The following NACC2 variants were observed in gnomAD, a reference collection of about 807,000 sequenced individuals.
The protein encoded by NACC2 is NACC family member 2.
NACC2 carries 8 observed loss-of-function variants against 25.1 expected under a neutral mutation model. The observed-to-expected ratio is 0.32, with a 90% CI of 0.19 to 0.57. The LOEUF (loss-of-function observed/expected upper bound fraction) is 0.57, where lower values mean the gene tolerates loss of function less well. Ranked by LOEUF, NACC2 falls within the 20% of genes least tolerant of loss-of-function variation. The probability of loss-of-function intolerance (pLI) is 0.89; values close to 1 mark genes in which losing one functional copy is unlikely to be tolerated. For missense variants in NACC2, 644 were observed against 650.2 expected, an observed-to-expected ratio of 0.99 and a Z score of 0.10; for synonymous variants, 435 against 294.7, an observed-to-expected ratio of 1.48 and a Z score of -4.88.
chr9:136,051,922 AGG>A (rs1840850360), intron 1 of NACC2, among the ~76,000 whole-genome samples: 2 of 148,516 alleles, frequency 1.3e-5, no homozygotes, highest in African/African-American at 2.5e-5. Flanking sequence ...ATGGTGGAGG[AGG>A]AGGAGGAGGA....
intron 1 of NACC2, among the ~76,000 whole-genome samples, chr9:136,082,553 C>T (rs1335539580): frequency 2.6e-5 from 4 of 152,192 alleles, no homozygotes. Context: ...TGGGTCTGGC[C>T]CTCGGAGCCC....
chr9:136,092,939 C>T (rs946908182), intron 1 of NACC2, among the ~76,000 whole-genome samples: 3 of 152,218 alleles, frequency 2.0e-5, no homozygotes, highest in African/African-American at 7.2e-5. Flanking sequence ...TGCAGAGAGG[C>T]AGCCTGGGGA....
intron 1 of NACC2, among the ~76,000 whole-genome samples, chr9:136,064,897 G>C (rs2131173634): frequency 6.6e-6 from 1 of 152,308 alleles, no homozygotes; most frequent in African/African-American, 2.4e-5. Context: ...GTCTACAAAT[G>C]TATTCATGTG....
At chr9:136,088,332 G>A (rs1330723205) in intron 1 of NACC2, among the ~76,000 whole-genome samples, 1 of 152,154 alleles carries the variant, frequency 6.6e-6, no homozygotes, top group Non-Finnish European at 1.5e-5. Flanking sequence ...CAGGGTGGGA[G>A]GGACCCTCAG....
At chr9:136,025,797 C>T (rs570999548) in intron 2 of NACC2, among the ~76,000 whole-genome samples, 1 of 152,022 alleles carries the variant, frequency 6.6e-6, no homozygotes, top group East Asian at 1.9e-4. Flanking sequence ...CACTTGTAGT[C>T]CCGGCTACTC....
At chr9:136,080,009 C>A (rs1270679977) in intron 1 of NACC2, among the ~76,000 whole-genome samples, 1 of 152,202 alleles carries the variant, frequency 6.6e-6, no homozygotes, top group Non-Finnish European at 1.5e-5. Flanking sequence ...CTGCCTGGGC[C>A]AGGCCTGGGG....
chr9:136,044,178 G>A (rs1840685356), intron 2 of NACC2, among the ~76,000 whole-genome samples: 1 of 152,130 alleles, frequency 6.6e-6, no homozygotes, highest in African/African-American at 2.4e-5. Context: ...CAATGGCCTA[G>A]ACGGGCCACA....
At chr9:136,031,758 A>G (rs1840476895) in intron 2 of NACC2, among the ~76,000 whole-genome samples, 1 of 152,252 alleles carries the variant, frequency 6.6e-6, no homozygotes, top group African/African-American at 2.4e-5. Flanking sequence ...GAAGTTCTAA[A>G]GAAAATATTA....
intron 1 of NACC2, among the ~76,000 whole-genome samples, chr9:136,077,735 C>T (rs1022072350): frequency 6.6e-6 from 1 of 152,126 alleles, no homozygotes; most frequent in Non-Finnish European, 1.5e-5. Flanking sequence ...TCTGGCCACC[C>T]CCACACCGGG....
intron 2 of NACC2, among the ~76,000 whole-genome samples, chr9:136,037,296 T>G (rs943217842): frequency 2.0e-5 from 3 of 151,982 alleles, no homozygotes; most frequent in Non-Finnish European, 4.4e-5. Flanking sequence ...TGATCTCGGC[T>G]CATTGCAACC....
At chr9:136,062,732 T>A (rs899798163) in intron 1 of NACC2, among the ~76,000 whole-genome samples, 1 of 152,114 alleles carries the variant, frequency 6.6e-6, no homozygotes, top group African/African-American at 2.4e-5. Context: ...CTGGGCAACA[T>A]GGCGAAACCC....
chr9:136,028,921 G>A (rs775911054), intron 2 of NACC2, among the ~76,000 whole-genome samples: 5 of 152,240 alleles, frequency 3.3e-5, no homozygotes, highest in East Asian at 3.9e-4. Context: ...GGCCCCTGCC[G>A]CCTTGGCCCC....
rs532533577 is a variant in NACC2, at chr9:136,091,567, C to T, written c.-60+3622G>A. ...AGTGCCGGTCCCGGAGTTCATGTCC[C>T]CAAATGACAAGCAACCAATACTTCC... On this transcript the variant is annotated intron_variant, in intron 1 of 5. Coordinates refer to ENST00000277554, the MANE Select transcript of NACC2 (RefSeq NM_144653.5). 3.3e-5 allele frequency among the ~76,000 whole-genome samples: 5 copies of T among 152,348 alleles called. 1 individual carries two copies. The highest frequency in any genetic ancestry group is 1.3e-4 in the Admixed American group (2 of 15,312).
At chr9:136,012,109 G>A (rs1294835011) in intron 5 of NACC2, 85 bp from the exon 6 acceptor site, 2 of 1,423,388 alleles carry the variant, frequency 1.4e-6, no homozygotes, top group Non-Finnish European at 9.2e-7. Flanking sequence ...ATGATGCCCT[G>A]GATGAGCCTC....
intron 1 of NACC2, among the ~76,000 whole-genome samples, chr9:136,057,783 G>A (rs1451095223): frequency 6.6e-6 from 1 of 152,154 alleles, no homozygotes; most frequent in African/African-American, 2.4e-5. Context: ...CTCTCTTGAT[G>A]GCCTGGAGCA....
Position 136,050,334 on chromosome 9 carries a change from C to T in NACC2, c.188G>A (p.Ser63Asn). 1.3e-6 allele frequency: 1 copy of T among 741,070 alleles called. No individual in the cohort carries two copies. Among genetic ancestry groups the T allele is most frequent in the South Asian group, 1.4e-5 (1 of 70,870 alleles). 45.9% of individuals were successfully genotyped at this position (741,070 alleles called of 1,614,324 possible). A position where few individuals can be genotyped will look rare whatever the true frequency, so the allele number is the denominator to read the frequency against. Reference protein sequence around the residue: ...LYFRDLFSGNSKSAFELPGSV... With the variant: ...LYFRDLFSGNNKSAFELPGSV... ...GCCGGGCAGCTCGAAGGCGCTCTTG[C>T]TGTTGCCGCTGAACAGGTCGCGGAA... The change falls in exon 2 of 6, where the codon AGC becomes AAC. Residue 63 changes from serine to asparagine, a missense_variant. Coordinates refer to ENST00000277554, the MANE Select transcript of NACC2 (RefSeq NM_144653.5).
rs1840270390 is a variant in NACC2, at chr9:136,020,221, A to G, written c.887-3792T>C. ...GAACGAACGTCAGAAGGAGGGGGCC[A>G]TGCAGGTCTGGAGGGAAACCGGGTC... is the stretch of plus-strand genomic sequence containing the variant. On this transcript the variant is annotated intron_variant, in intron 2 of 5. Coordinates refer to ENST00000277554, the MANE Select transcript of NACC2 (RefSeq NM_144653.5). This position sits in a 1 kb window ranked among gnomAD's most constrained non-coding sequence, Gnocchi z 4.7. 2.0e-5 allele frequency among the ~76,000 whole-genome samples: 3 copies of G among 152,198 alleles called. No individual in the cohort carries two copies. The highest frequency in any genetic ancestry group is 1.5e-5 in the Non-Finnish European group (1 of 68,024).
intron 2 of NACC2, among the ~76,000 whole-genome samples, chr9:136,032,694 C>T (rs755075541): frequency 1.3e-4 from 20 of 152,090 alleles, no homozygotes; most frequent in Admixed American, 2.6e-4. Flanking sequence ...ATCAGGAGTT[C>T]GAGACCAGCC....
chr9:136,085,136 A>ATTTT (rs1485667550), intron 1 of NACC2, among the ~76,000 whole-genome samples: 10 of 83,230 alleles, frequency 1.2e-4, no homozygotes, highest in South Asian at 4.9e-4. Context: ...CCATTTCTAC[A>ATTTT]ATTTTTTTTT....
Sources: gnomAD v4.1 joint callset for allele counts (sites outside exome capture counted in the v4.1 genomes callset) on GRCh38, gnomAD v4.1.1 for gene constraint, Gnocchi (gnomAD v3.1) non-coding constraint, MANE v1.5 for transcripts, NCBI Gene and HGNC (gene_info 2026-07-23, HGNC 2026-07-21) for gene names.